Variants in BICC1 observed in about 807,000 individuals in gnomAD.
BICC1 encodes BicC family RNA binding protein 1.
BICC1 carries 43 observed loss-of-function variants against 111.0 expected under a neutral mutation model. The ratio of observed to expected loss-of-function variants is 0.39; its 90% CI spans 0.30 to 0.50. The LOEUF is 0.50. Ranked by LOEUF, BICC1 falls within the 20% of genes least tolerant of loss-of-function variation. The pLI is 0.88. For missense variants in BICC1, 1,091 were observed against 1,203.2 expected, an observed-to-expected ratio of 0.91 and a Z score of 1.38; for synonymous variants, 467 against 434.4, an observed-to-expected ratio of 1.07 and a Z score of -0.93.
chr10:58,580,294 G>A (rs144347934), intron 1 of BICC1, among the ~76,000 whole-genome samples: 2,021 of 152,270 alleles, frequency 0.013, 27 homozygotes, highest in Middle Eastern at 0.044. Context: ...ACATTGCTGG[G>A]ATTACAGGTG....
chr10:58,557,774 T>A (rs1291467954), intron 1 of BICC1, among the ~76,000 whole-genome samples: 1 of 152,128 alleles, frequency 6.6e-6, no homozygotes, highest in Non-Finnish European at 1.5e-5. Context: ...AACCTTTTTT[T>A]AATGTTCTTT....
chr10:58,592,947 C>A (rs1461206269), intron 1 of BICC1, among the ~76,000 whole-genome samples: 3 of 150,432 alleles, frequency 2.0e-5, no homozygotes, highest in African/African-American at 7.4e-5. Context: ...GTGGGTCTTA[C>A]CCTGACAGAG....
At chr10:58,547,234 A>G (rs913138575) in intron 1 of BICC1, among the ~76,000 whole-genome samples, 4 of 152,088 alleles carry the variant, frequency 2.6e-5, no homozygotes, top group African/African-American at 9.7e-5. Flanking sequence ...AGAATATCAC[A>G]TTGCATTCAT....
At chr10:58,715,782 A>C in intron 3 of BICC1, 1 of 1,439,392 alleles carries the variant, frequency 6.9e-7, no homozygotes, top group Non-Finnish European at 9.7e-7. Context: ...GGAAAAACAC[A>C]GGGAGAAATT....
At chr10:58,672,051 A>G (rs1033266138) in intron 2 of BICC1, among the ~76,000 whole-genome samples, 6 of 152,086 alleles carry the variant, frequency 3.9e-5, no homozygotes, top group Non-Finnish European at 8.8e-5. Context: ...AAATGTTGGA[A>G]TTTTTTAAGG....
At chr10:58,671,596 A>G (rs555967010) in intron 2 of BICC1, among the ~76,000 whole-genome samples, 9 of 152,230 alleles carry the variant, frequency 5.9e-5, no homozygotes, top group Non-Finnish European at 2.9e-5. Context: ...TGGGGTTCCA[A>G]TTGGGACAAA....
chr10:58,831,272 T>C lies in BICC1; in HGVS notation c.*2381T>C, dbSNP rs1844543944. On this transcript the variant is annotated 3_prime_UTR_variant, in exon 21 of 21. Transcript: ENST00000373886. ...AATAATGACTGGTTATCTGTAAATA[T>C]AGAACAGATACAGATTGTATTTTTC... The C allele has an allele frequency of 6.6e-6, 1 of 152,212 alleles. No individual in the cohort carries two copies. Among genetic ancestry groups the C allele is most frequent in the African/African-American group, 2.4e-5 (1 of 41,468 alleles). The allele number at this position is 152,212 out of a possible 1,614,324, so 9.4% of individuals were successfully genotyped here.
chr10:58,522,223 A>G (rs1173821423), intron 1 of BICC1, among the ~76,000 whole-genome samples: 1 of 152,018 alleles, frequency 6.6e-6, no homozygotes, highest in Non-Finnish European at 1.5e-5. Context: ...GCAGACTCCC[A>G]TTAAGTTAGG....
intron 1 of BICC1, among the ~76,000 whole-genome samples, chr10:58,537,317 A>G (rs1842850367): frequency 1.3e-5 from 2 of 150,008 alleles, no homozygotes; most frequent in African/African-American, 4.9e-5. Flanking sequence ...AAAATCCTCA[A>G]CAAAATACTA....
intron 1 of BICC1, among the ~76,000 whole-genome samples, chr10:58,585,473 A>G (rs1844403719): frequency 6.6e-6 from 1 of 152,190 alleles, no homozygotes; most frequent in Non-Finnish European, 1.5e-5. Flanking sequence ...AAATTAGGGT[A>G]AAAAAGATCA....
intron 2 of BICC1, among the ~76,000 whole-genome samples, chr10:58,661,931 A>G (rs752378342): frequency 1.3e-5 from 2 of 152,230 alleles, no homozygotes; most frequent in Admixed American, 6.5e-5. Flanking sequence ...TTGGAAAAAT[A>G]TAGAAAACTA....
In BICC1 at chr10:58,513,251, C is replaced by G. The variant is rs921766642; in HGVS notation, c.108C>G (p.Val36=). ...SPVPGSEDDL[V]AGATLHSPEW... ...TGCCCGGCTCCGAGGACGACTTGGT[C>G]GCCGGGGCGACCCTGCACAGCCCGG... is the stretch of plus-strand genomic sequence containing the variant. Residue 36 remains valine (V), a synonymous_variant, in exon 1 of 21, where the codon GTC becomes GTG. Transcript: ENST00000373886. 5.0e-6 allele frequency: 8 copies of G among 1,613,138 alleles called. No individual in the cohort carries two copies. Among genetic ancestry groups the G allele is most frequent in the African/African-American group, 1.3e-5 (1 of 75,040 alleles).
intron 1 of BICC1, among the ~76,000 whole-genome samples, chr10:58,562,394 G>A (rs1374396543): frequency 6.6e-6 from 1 of 151,758 alleles, no homozygotes; most frequent in African/African-American, 2.4e-5. Context: ...GCTTGATCTA[G>A]TCTATTGTTG....
chr10:58,804,225 G>T (rs1437930108), intron 15 of BICC1, among the ~76,000 whole-genome samples: 1 of 151,964 alleles, frequency 6.6e-6, no homozygotes, highest in African/African-American at 2.4e-5. Flanking sequence ...GTTTAAAAAA[G>T]ACATTTAAGG....
At chr10:58,735,781 T>G (rs576066916) in intron 3 of BICC1, among the ~76,000 whole-genome samples, 16 of 152,338 alleles carry the variant, frequency 1.1e-4, no homozygotes, top group African/African-American at 3.6e-4. Context: ...AGATATTTAC[T>G]AAATTGTAAT....
In BICC1 at chr10:58,610,515, G is replaced by GAAATGAAATTTT. The variant is rs1274430004; in HGVS notation, c.191-10336_191-10325dup. 3.5e-4 allele frequency among the ~76,000 whole-genome samples: 53 copies of GAAATGAAATTTT among 152,042 alleles called. No individual in the cohort carries two copies. In the Middle Eastern group the frequency reaches 0.014, roughly 39 times the overall value. Reference sequence around the variant, plus strand: ...CTTATTCTGTTAAAATATTTTGTGGGAAATGAAATTTTAAAACACAGTCTC... The same window carrying GAAATGAAATTTT: ...CTTATTCTGTTAAAATATTTTGTGGGAAATGAAATTTTAAATGAAATTTTAAAACACAGTCTC... On this transcript the variant is annotated intron_variant, in intron 1 of 20. Transcript: ENST00000373886.
intron 1 of BICC1, among the ~76,000 whole-genome samples, chr10:58,533,967 A>G (rs943393348): frequency 1.3e-5 from 2 of 151,852 alleles, no homozygotes; most frequent in Admixed American, 6.6e-5. Context: ...TCCCCAGTCA[A>G]AAGACATACA....
intron 3 of BICC1, among the ~76,000 whole-genome samples, chr10:58,742,243 T>C (rs1006344097): frequency 2.0e-5 from 3 of 152,178 alleles, no homozygotes; most frequent in Non-Finnish European, 4.4e-5. Flanking sequence ...CAGAAAGCTG[T>C]CTGAAGAAGT....
chr10:58,813,740 G>A (rs1843988858), intron 17 of BICC1, 90 bp from the exon 18 acceptor site: 17 of 1,321,194 alleles, frequency 1.3e-5, no homozygotes, highest in East Asian at 4.6e-5. Context: ...AGAAGTAAAC[G>A]GCAGTGGTGT....
Sources: gnomAD v4.1 joint callset for allele counts (sites outside exome capture counted in the v4.1 genomes callset) on GRCh38, gnomAD v4.1.1 for gene constraint, MANE v1.5 for transcripts, NCBI Gene and HGNC (gene_info 2026-07-23, HGNC 2026-07-21) for gene names.